Variants in GRID1 observed in about 807,000 individuals in gnomAD.
GRID1 encodes glutamate ionotropic receptor delta type subunit 1.
A neutral mutation model predicts 98.0 loss-of-function variants in GRID1; 28 were observed. That is an observed-to-expected ratio of 0.29 (90% CI 0.21 to 0.39). The LOEUF is 0.39. GRID1 is among the 10% of genes least tolerant of loss of function. The pLI is 1.00. For missense variants in GRID1, 1,111 were observed against 1,340.5 expected (o/e 0.83, Z 2.67); for synonymous variants, 553 against 538.5 (o/e 1.03, Z -0.37).
At chr10:85,788,785 G>C (rs751387061) in intron 8 of GRID1, among the ~76,000 whole-genome samples, 4 of 152,178 alleles carry the variant, frequency 2.6e-5, no homozygotes, top group Non-Finnish European at 5.9e-5. Context: ...CAAGTCCTTC[G>C]CAGATGAGTT....
intron 2 of GRID1, among the ~76,000 whole-genome samples, chr10:86,233,920 G>A (rs960266730): frequency 6.7e-6 from 1 of 148,748 alleles, no homozygotes; most frequent in Non-Finnish European, 1.5e-5. Context: ...GGCAGGAAAT[G>A]AGAGGGTGGA....
intron 2 of GRID1, among the ~76,000 whole-genome samples, chr10:86,331,858 T>G (rs144798068): frequency 8.9e-4 from 135 of 152,342 alleles, no homozygotes; most frequent in Non-Finnish European, 1.6e-3. Context: ...TCTCCAGTGA[T>G]GAGCATCCAG....
At chr10:85,772,041 A>T (rs1320534104) in intron 8 of GRID1, among the ~76,000 whole-genome samples, 1 of 152,106 alleles carries the variant, frequency 6.6e-6, no homozygotes, top group Non-Finnish European at 1.5e-5. Flanking sequence ...ACCACACCAC[A>T]CCTATTCCAA....
At chr10:86,131,383 T>A (rs1196512289) in intron 4 of GRID1, among the ~76,000 whole-genome samples, 1 of 152,182 alleles carries the variant, frequency 6.6e-6, no homozygotes, top group African/African-American at 2.4e-5. Flanking sequence ...CTATTTCTCA[T>A]GTCTGCTGCC....
rs113569252 is a variant in GRID1 at position 85,729,395 on chromosome 10, A to G, written c.1335+118T>C. ...TTATTTGAATGAAAGGCCTTATGAA[A>G]GCTCACAATACTCCTCAAGATTCTC... On this transcript the variant is annotated intron_variant, in intron 9 of 15. Coordinates refer to ENST00000327946, the MANE Select transcript of GRID1 (RefSeq NM_017551.3). 2.6e-3 allele frequency: 1,520 copies of G among 595,026 alleles called. 13 individuals carry two copies. Among genetic ancestry groups the G allele is most frequent in the African/African-American group, 0.024 (1,277 of 53,956 alleles). The allele number at this position is 595,026 out of a possible 1,614,324, so 36.9% of individuals were successfully genotyped here.
chr10:85,974,208 A>C (rs768277570), intron 4 of GRID1, among the ~76,000 whole-genome samples: 33 of 152,220 alleles, frequency 2.2e-4, no homozygotes, highest in Non-Finnish European at 4.0e-4. Context: ...TGTGCACATA[A>C]ATAAATTCAT....
At chr10:85,675,934 C>G (rs1453892274) in intron 12 of GRID1, among the ~76,000 whole-genome samples, 1 of 152,172 alleles carries the variant, frequency 6.6e-6, no homozygotes, top group African/African-American at 2.4e-5. Context: ...TAATTGGAAA[C>G]TGAAGATTCA....
At chr10:85,753,525 A>G (rs1842067636) in intron 8 of GRID1, among the ~76,000 whole-genome samples, 6 of 152,230 alleles carry the variant, frequency 3.9e-5, no homozygotes, top group Admixed American at 3.9e-4. Flanking sequence ...AGATGACACT[A>G]AAACCAAAGG....
chr10:86,293,581 G>A (rs1847546545), intron 2 of GRID1, among the ~76,000 whole-genome samples: 1 of 152,186 alleles, frequency 6.6e-6, no homozygotes, highest in Non-Finnish European at 1.5e-5. Flanking sequence ...CCAATCCTCA[G>A]AGCAAAGACC....
intron 2 of GRID1, among the ~76,000 whole-genome samples, chr10:86,228,680 C>G (rs889132579): frequency 6.6e-6 from 1 of 152,116 alleles, no homozygotes; most frequent in Non-Finnish European, 1.5e-5. Flanking sequence ...ATGAGAACAA[C>G]AGTGTCCCAG....
At chr10:86,098,564 T>C (rs1043562939) in intron 4 of GRID1, among the ~76,000 whole-genome samples, 5 of 152,236 alleles carry the variant, frequency 3.3e-5, no homozygotes, top group African/African-American at 1.2e-4. Context: ...ATTGAATTAC[T>C]GGGTCAAAAG....
intron 8 of GRID1, among the ~76,000 whole-genome samples, chr10:85,742,541 T>A (rs1004271115): frequency 2.6e-5 from 4 of 152,208 alleles, no homozygotes; most frequent in Non-Finnish European, 5.9e-5. Flanking sequence ...ATTGTTTAAT[T>A]GCCCTGTTTT....
intron 4 of GRID1, among the ~76,000 whole-genome samples, chr10:85,946,907 A>C (rs1404858913): frequency 2.0e-5 from 3 of 152,226 alleles, no homozygotes; most frequent in African/African-American, 7.2e-5. Flanking sequence ...GCACACAGTC[A>C]TAAGCTCCAA....
chr10:85,859,096 C>T (rs1448322139), intron 6 of GRID1, among the ~76,000 whole-genome samples: 1 of 152,152 alleles, frequency 6.6e-6, no homozygotes, highest in African/African-American at 2.4e-5. Flanking sequence ...CTTCCCAATG[C>T]CCACATATCA....
chr10:86,345,573 AGGGAGCG>A (rs540227410), intron 2 of GRID1, among the ~76,000 whole-genome samples: 10 of 152,190 alleles, frequency 6.6e-5, no homozygotes, highest in Non-Finnish European at 1.3e-4. Context: ...TGGGATCCTC[AGGGAGCG>A]GCCCTGAATC....
intron 2 of GRID1, among the ~76,000 whole-genome samples, chr10:86,241,201 C>T (rs1056555087): frequency 3.9e-5 from 6 of 152,388 alleles, no homozygotes; most frequent in Non-Finnish European, 8.8e-5. Context: ...CTCACCTTAT[C>T]TCTGACCCTT....
At chr10:85,632,064 G>A (rs1283640577) in intron 13 of GRID1, among the ~76,000 whole-genome samples, 4 of 152,008 alleles carry the variant, frequency 2.6e-5, no homozygotes. Context: ...CTAGCATGAT[G>A]TCTGGCATAG....
chr10:85,972,494 T>C (rs530408789), intron 4 of GRID1, among the ~76,000 whole-genome samples: 15 of 148,804 alleles, frequency 1.0e-4, no homozygotes, highest in African/African-American at 2.9e-4. Flanking sequence ...ATTTATATAT[T>C]TAATTTTTAT....
At position 85,856,205 on chromosome 10, in the gene GRID1, G is replaced by A. The variant is rs1187420799; in HGVS notation, c.952-15C>T. 17 of 1,613,066 alleles carry A rather than the reference G, an allele frequency of 1.1e-5. No individual in the cohort carries two copies. In the Middle Eastern group the frequency reaches 6.6e-4, roughly 63 times the overall value. ...AGGTTGGAGATCTGCAAAGACAGAGGCAGTGAAACCCTTTCCACAGGTGCA... is the reference window on the plus strand; with the variant it reads ...AGGTTGGAGATCTGCAAAGACAGAGACAGTGAAACCCTTTCCACAGGTGCA... On this transcript the variant is annotated splice_polypyrimidine_tract_variant and intron_variant, in intron 6 of 15. Transcript: ENST00000327946.
Sources: gnomAD v4.1 joint callset for allele counts (sites outside exome capture counted in the v4.1 genomes callset) on GRCh38, gnomAD v4.1.1 for gene constraint, MANE v1.5 for transcripts, NCBI Gene and HGNC (gene_info 2026-07-23, HGNC 2026-07-21) for gene names.